Variants in THRB observed in about 807,000 individuals in gnomAD.
The protein encoded by THRB is thyroid hormone receptor beta, also known as nuclear receptor subfamily 1 group A member 2.
A neutral mutation model predicts 47.8 loss-of-function variants in THRB; 12 were observed. The ratio of observed to expected loss-of-function variants is 0.25; its 90% CI spans 0.16 to 0.41. THRB has a LOEUF of 0.41. Among genes scored for constraint, THRB ranks in the 10% least tolerant of loss-of-function variants. The pLI, the probability that THRB is intolerant of heterozygous loss-of-function variation, is 1.00. For missense variants in THRB, 348 were observed against 589.2 expected (o/e 0.59, Z 4.24); for synonymous variants, 218 against 212.2 (o/e 1.03, Z -0.24).
At chr3:24,138,691 G>T (rs1559429486) in intron 8 of THRB, among the ~76,000 whole-genome samples, 1 of 152,126 alleles carries the variant, frequency 6.6e-6, no homozygotes. Context: ...TTCCTGACGT[G>T]ATTGCACTTG....
chr3:24,284,136 C>T (rs1292787121), intron 3 of THRB, among the ~76,000 whole-genome samples: 1 of 147,994 alleles, frequency 6.8e-6, no homozygotes, highest in Non-Finnish European at 1.5e-5. Flanking sequence ...AATCCTGAGC[C>T]AAAAGAACAA....
At chr3:24,258,286 A>G (rs961434563) in intron 3 of THRB, among the ~76,000 whole-genome samples, 2 of 152,126 alleles carry the variant, frequency 1.3e-5, no homozygotes, top group Non-Finnish European at 2.9e-5. Flanking sequence ...GAGACAGGAA[A>G]AGGCCGAAGG....
At chr3:24,237,900 T>A (rs143047258) in intron 3 of THRB, 1 of 152,104 alleles carries the variant, frequency 6.6e-6, no homozygotes, top group African/African-American at 2.4e-5. Context: ...TATTGTCACA[T>A]TGAGTGAAAC....
At chr3:24,232,875 C>A (rs1025669912) in intron 3 of THRB, among the ~76,000 whole-genome samples, 6 of 152,104 alleles carry the variant, frequency 3.9e-5, no homozygotes, top group African/African-American at 9.7e-5. Flanking sequence ...ATAAACACTG[C>A]GGATGCAGAT....
intron 1 of THRB, among the ~76,000 whole-genome samples, chr3:24,443,354 T>C (rs2071739735): frequency 6.6e-6 from 1 of 152,098 alleles, no homozygotes; most frequent in South Asian, 2.1e-4. Flanking sequence ...AAGTATTATC[T>C]GGTTCAAAAA....
chr3:24,349,514 C>A (rs1479135831), intron 1 of THRB, among the ~76,000 whole-genome samples: 1 of 152,090 alleles, frequency 6.6e-6, no homozygotes, highest in South Asian at 2.1e-4. Context: ...AAATAGATCA[C>A]AAGAGCTCCA....
chr3:24,385,533 A>G (rs1322564178), intron 1 of THRB, among the ~76,000 whole-genome samples: 2 of 152,090 alleles, frequency 1.3e-5, no homozygotes, highest in Non-Finnish European at 2.9e-5. Flanking sequence ...TTTTCCACCC[A>G]GCATAATCTG....
At chr3:24,410,471 T>A (rs1439430803) in intron 1 of THRB, among the ~76,000 whole-genome samples, 1 of 151,830 alleles carries the variant, frequency 6.6e-6, no homozygotes. Flanking sequence ...GTATAACACA[T>A]ACATTAATAT....
intron 1 of THRB, among the ~76,000 whole-genome samples, chr3:24,346,359 G>A (rs1279279388): frequency 6.6e-6 from 1 of 151,984 alleles, no homozygotes; most frequent in Non-Finnish European, 1.5e-5. Flanking sequence ...CAAGCCAGTA[G>A]AGGTGAAATA....
chr3:24,295,619 T>C (rs1228548263), intron 3 of THRB, among the ~76,000 whole-genome samples: 1 of 152,256 alleles, frequency 6.6e-6, no homozygotes, highest in East Asian at 1.9e-4. Flanking sequence ...CACTACTTAA[T>C]GGCTACTCTG....
rs2031699066 is a variant in THRB at position 24,121,583 on chromosome 3, T to G, written c.*1301A>C. 6.6e-6 allele frequency: 1 copy of G among 152,528 alleles called. No homozygotes were observed. The highest frequency in any genetic ancestry group is 1.9e-4 in the East Asian group (1 of 5,194). The allele number at this position is 152,528 out of a possible 1,614,324, so 9.4% of individuals were successfully genotyped here. ...AGCATGGGCCGTTGGGGAGGCAGGTTGGGCAGGAAAGTTAAGTGTGCACAT... is the reference window on the plus strand; with the variant it reads ...AGCATGGGCCGTTGGGGAGGCAGGTGGGGCAGGAAAGTTAAGTGTGCACAT... On this transcript the variant is annotated 3_prime_UTR_variant, in exon 11 of 11. Transcript: ENST00000646209.
At chr3:24,265,873 G>A (rs2052598940) in intron 3 of THRB, among the ~76,000 whole-genome samples, 1 of 152,130 alleles carries the variant, frequency 6.6e-6, no homozygotes, top group Admixed American at 6.5e-5. Flanking sequence ...AATGATATAT[G>A]AAGTTTGAAC....
chr3:24,211,077 G>A (rs2045974156), intron 4 of THRB, among the ~76,000 whole-genome samples: 1 of 151,844 alleles, frequency 6.6e-6, no homozygotes, highest in South Asian at 2.1e-4. Context: ...TAGGTTGCCT[G>A]TAGTCCTGGC....
At chr3:24,490,637 G>A (rs957346440) in intron 1 of THRB, among the ~76,000 whole-genome samples, 6 of 152,132 alleles carry the variant, frequency 3.9e-5, no homozygotes, top group Admixed American at 1.3e-4. Context: ...CAAAGCATCA[G>A]GGGCCACATA....
chr3:24,332,565 C>T (rs1214450218), intron 2 of THRB, among the ~76,000 whole-genome samples: 1 of 152,186 alleles, frequency 6.6e-6, no homozygotes, highest in African/African-American at 2.4e-5. Context: ...GAGTTAAAGC[C>T]CAGCCCTGCC....
chr3:24,264,043 G>C (rs549404527), intron 3 of THRB, among the ~76,000 whole-genome samples: 1 of 152,272 alleles, frequency 6.6e-6, no homozygotes, highest in East Asian at 1.9e-4. Context: ...TTACATGTCA[G>C]TTCATTTAAT....
rs868449090 is a variant in THRB, at chr3:24,122,598, G to T, written c.*286C>A. On this transcript the variant is annotated 3_prime_UTR_variant, in exon 11 of 11. Transcript: ENST00000646209. ...AGTCTTGGACCAGGGACGGGTGGGA[G>T]CTGGTGATGCTTGGTGCTGGTGAGT... is the stretch of plus-strand genomic sequence containing the variant. The T allele has an allele frequency of 8.7e-6, 4 of 458,510 alleles. No individual in the cohort carries two copies. Among genetic ancestry groups the T allele is most frequent in the Non-Finnish European group, 1.2e-5 (3 of 248,524 alleles). 28.4% of individuals were successfully genotyped at this position (458,510 alleles called of 1,614,324 possible). A position where few individuals can be genotyped will look rare whatever the true frequency, so the allele number is the denominator to read the frequency against.
intron 3 of THRB, among the ~76,000 whole-genome samples, chr3:24,251,117 G>A (rs2050625581): frequency 6.6e-6 from 1 of 152,092 alleles, no homozygotes; most frequent in Non-Finnish European, 1.5e-5. Flanking sequence ...TTGTCAAAGA[G>A]TAAATAGAAG....
At chr3:24,460,341 CA>C (rs1264378905) in intron 1 of THRB, among the ~76,000 whole-genome samples, 1 of 152,068 alleles carries the variant, frequency 6.6e-6, no homozygotes, top group Non-Finnish European at 1.5e-5. Context: ...TCACAGAGTT[CA>C]GAGATGATCA....
Sources: allele counts gnomAD v4.1 joint callset (sites outside exome capture counted in the v4.1 genomes callset), GRCh38; gene constraint gnomAD v4.1.1; transcripts MANE v1.5; gene names NCBI Gene and HGNC (gene_info 2026-07-23, HGNC 2026-07-21).